Variants in CDS2 observed in about 807,000 individuals in gnomAD.
CDS2 encodes the protein CDP-diacylglycerol synthase 2, also known as phosphatidate cytidylyltransferase 2.
CDS2 carries 47 observed loss-of-function variants against 59.0 expected under a neutral mutation model. That is an observed-to-expected ratio of 0.80 (90% CI 0.63 to 1.02). The LOEUF (loss-of-function observed/expected upper bound fraction) is 1.02, where lower values mean the gene tolerates loss of function less well. CDS2 is among the 50% of genes least tolerant of loss of function. The pLI is 0.00. For missense variants in CDS2, 356 were observed against 558.9 expected, an observed-to-expected ratio of 0.64 and a Z score of 3.66; for synonymous variants, 207 against 206.4, an observed-to-expected ratio of 1.00 and a Z score of -0.02.
intron 1 of CDS2, among the ~76,000 whole-genome samples, chr20:5,137,962 C>CA (rs1350924016): frequency 2.6e-5 from 4 of 151,690 alleles, no homozygotes; most frequent in Admixed American, 2.0e-4. Flanking sequence ...CCATGCCCAG[C>CA]TAATTTGCAT....
rs2090557689 is a variant in CDS2 at position 5,127,032 on chromosome 20, A to AGCTGCCTGCTCCAGCGGCTTC, written c.-49_-48insAGCGGCTTCGCTGCCTGCTCC. On this transcript the variant is annotated 5_prime_UTR_variant, in exon 1 of 13. Coordinates refer to ENST00000460006, the MANE Select transcript of CDS2 (RefSeq NM_003818.4). ...TGGGAGTCCGCGCGTGCCCGCGCCG[A>AGCTGCCTGCTCCAGCGGCTTC]GCTGCCTGCTCCGGCGGCTTCGCTG... 1.9e-4 allele frequency: 275 copies of AGCTGCCTGCTCCAGCGGCTTC among 1,451,358 alleles called. 4 individuals carry two copies. The South Asian group carries it at 3.2e-3, about 17-fold the overall frequency. 89.9% of individuals were successfully genotyped at this position (1,451,358 alleles called of 1,614,324 possible). A position where few individuals can be genotyped will look rare whatever the true frequency, so the allele number is the denominator to read the frequency against.
At chr20:5,143,711 T>C (rs894065206) in intron 1 of CDS2, among the ~76,000 whole-genome samples, 11 of 147,382 alleles carry the variant, frequency 7.5e-5, no homozygotes, top group African/African-American at 2.5e-4. Flanking sequence ...GGAACATGAG[T>C]GTACAAATAT....
chr20:5,127,390 G>A (rs1037240694), intron 1 of CDS2, among the ~76,000 whole-genome samples: 1 of 152,136 alleles, frequency 6.6e-6, no homozygotes, highest in African/African-American at 2.4e-5. Flanking sequence ...GGCGCAGGAA[G>A]GAGCTTCTCG....
At chr20:5,171,818 C>T (rs2090958093) in intron 1 of CDS2, among the ~76,000 whole-genome samples, 1 of 152,134 alleles carries the variant, frequency 6.6e-6, no homozygotes, top group Non-Finnish European at 1.5e-5. Flanking sequence ...CCAGAGCCAC[C>T]TGTCTCGACT....
intron 10 of CDS2, chr20:5,187,112 G>A: frequency 3.1e-6 from 1 of 322,800 alleles, no homozygotes; most frequent in Non-Finnish European, 6.0e-6. Context: ...AGGGTGGGGG[G>A]GTCTGTGAGG....
At chr20:5,181,382 G>A (rs879716013) in intron 5 of CDS2, among the ~76,000 whole-genome samples, 1 of 152,184 alleles carries the variant, frequency 6.6e-6, no homozygotes, top group Non-Finnish European at 1.5e-5. Context: ...CCAGAAAGAT[G>A]TTACCAGAAA....
At chr20:5,163,860 G>A (rs993316648) in intron 1 of CDS2, among the ~76,000 whole-genome samples, 1 of 148,324 alleles carries the variant, frequency 6.7e-6, no homozygotes, top group Non-Finnish European at 1.5e-5. Context: ...GTGCAAACTC[G>A]GCTCACTGCA....
rs529417361 is a variant in CDS2, at chr20:5,193,062, G to A, written c.*2828G>A. 1 of 152,372 alleles carries A rather than the reference G, an allele frequency of 6.6e-6. No homozygotes were observed. The highest frequency in any genetic ancestry group is 6.5e-5 in the Admixed American group (1 of 15,302). The allele number at this position is 152,372 out of a possible 1,614,324, so 9.4% of individuals were successfully genotyped here. ...TTAAATTGCTGTTGGCTCCTGCCTG[G>A]TGGAACAAGGGGGTCATAGAAACCA... is the stretch of plus-strand genomic sequence containing the variant. On this transcript the variant is annotated 3_prime_UTR_variant, in exon 13 of 13. Transcript: ENST00000460006.
At chr20:5,154,458 T>C (rs2090817080) in intron 1 of CDS2, among the ~76,000 whole-genome samples, 1 of 152,082 alleles carries the variant, frequency 6.6e-6, no homozygotes, top group Non-Finnish European at 1.5e-5. Context: ...ATAAACAAAG[T>C]CTCTTCCACT....
intron 1 of CDS2, among the ~76,000 whole-genome samples, chr20:5,170,701 A>G (rs921896354): frequency 1.3e-5 from 2 of 152,248 alleles, no homozygotes; most frequent in Non-Finnish European, 2.9e-5. Context: ...GCTGAGGCCC[A>G]GGGAACCTGG....
rs989826613 is a variant in CDS2, at chr20:5,185,056, C to T, written c.759+111C>T. ...AAATCTAGCTGTGTTGTATTGTGGCCATGTCTTCATGTCTTCCTGGAGAAA... is the reference window on the plus strand; with the variant it reads ...AAATCTAGCTGTGTTGTATTGTGGCTATGTCTTCATGTCTTCCTGGAGAAA... On this transcript the variant is annotated intron_variant, in intron 8 of 12. Transcript: ENST00000460006. The T allele has an allele frequency of 8.1e-6, 6 of 741,752 alleles. No homozygotes were observed. In the Admixed American group the frequency reaches 1.2e-4, roughly 15 times the overall value. The allele number at this position is 741,752 out of a possible 1,614,324, so 45.9% of individuals were successfully genotyped here. A position where few individuals can be genotyped will look rare whatever the true frequency, so the allele number is the denominator to read the frequency against.
intron 1 of CDS2, among the ~76,000 whole-genome samples, chr20:5,131,086 C>CT (rs1336343983): frequency 2.2e-5 from 3 of 137,812 alleles, no homozygotes; most frequent in Non-Finnish European, 4.6e-5. Context: ...GAGCAAGACT[C>CT]TGTCTTAAAA....
At chr20:5,143,518 C>T (rs556325040) in intron 1 of CDS2, among the ~76,000 whole-genome samples, 1 of 152,224 alleles carries the variant, frequency 6.6e-6, no homozygotes, top group African/African-American at 2.4e-5. Context: ...TGTAGTAGCC[C>T]CAAACTTCAA....
intron 1 of CDS2, among the ~76,000 whole-genome samples, chr20:5,141,325 T>C (rs1568529198): frequency 6.6e-6 from 1 of 152,230 alleles, no homozygotes; most frequent in Non-Finnish European, 1.5e-5. Flanking sequence ...TAGTCACATT[T>C]CTGCATGGTT....
Position 5,175,272 on chromosome 20 carries a change from T to A in CDS2, c.284T>A (p.Met95Lys). Residue 95 changes from methionine (M) to lysine (K), a missense_variant, in exon 3 of 13, where the codon ATG becomes AAG. By Grantham distance (95) the Met-to-Lys change is moderately conservative. This residue lies in a region of CDS2 where 107 missense variants were observed against 129.7 expected (regional missense o/e 0.82). Transcript: ENST00000460006. ...IIIYLGPMVLMIIVMCVQIKC... is the reference protein window; with the variant it reads ...IIIYLGPMVLKIIVMCVQIKC... ...ATTTACCTGGGACCAATGGTTTTGA[T>A]GATAATCGTAAGTGCCATTTCACAC... is the stretch of plus-strand genomic sequence containing the variant. 3 of 1,613,470 alleles carry A rather than the reference T, an allele frequency of 1.9e-6. No individual in the cohort carries two copies. The highest frequency in any genetic ancestry group is 2.5e-6 in the Non-Finnish European group (3 of 1,179,372).
chr20:5,189,037 C>G, intron 10 of CDS2, 30 bp from the exon 11 acceptor site: 1 of 1,613,610 alleles, frequency 6.2e-7, no homozygotes, highest in Non-Finnish European at 8.5e-7. Flanking sequence ...ATGTATGCAC[C>G]TAAACTTTTA....
At position 5,163,730 on chromosome 20, in the gene CDS2, G is replaced by T. The variant is rs559814902; in HGVS notation, c.58-9793G>T. Among the ~76,000 whole-genome samples, 21 of 150,518 alleles carry T rather than the reference G, an allele frequency of 1.4e-4. No homozygotes were observed. The South Asian group carries it at 4.4e-3, about 32-fold the overall frequency. On this transcript the variant is annotated intron_variant, in intron 1 of 12. Coordinates refer to ENST00000460006, the MANE Select transcript of CDS2 (RefSeq NM_003818.4). ...TTAATTTTTTCCCCAGGTATCCTTAGTGATTTATCAAAAAGAGAAAGAAAC... is the reference window on the plus strand; with the variant it reads ...TTAATTTTTTCCCCAGGTATCCTTATTGATTTATCAAAAAGAGAAAGAAAC...
rs1568543038 is a variant in CDS2, at chr20:5,182,375, A to G, written c.530-12A>G. On this transcript the variant is annotated splice_polypyrimidine_tract_variant and intron_variant, in intron 5 of 12. Coordinates refer to ENST00000460006, the MANE Select transcript of CDS2 (RefSeq NM_003818.4). ...TAATTCATTTTTCTTTTCTCCTCCC[A>G]CCTCAAACTAGGATTCTGCATGTTT... 1.9e-6 allele frequency: 3 copies of G among 1,605,618 alleles called. No homozygotes were observed. Among genetic ancestry groups the G allele is most frequent in the Non-Finnish European group, 2.5e-6 (3 of 1,176,580 alleles).
intron 11 of CDS2, 136 bp downstream of exon 11, chr20:5,189,322 AT>A: frequency 1.1e-6 from 1 of 911,258 alleles, no homozygotes; most frequent in Non-Finnish European, 1.7e-6. Flanking sequence ...CATGCACTGA[AT>A]TTAGGTGAGT....
Sources: gnomAD v4.1 joint callset for allele counts (sites outside exome capture counted in the v4.1 genomes callset) on GRCh38, gnomAD v4.1.1 for gene constraint, gnomAD v4.1.1 regional missense constraint, MANE v1.5 for transcripts, NCBI Gene and HGNC (gene_info 2026-07-23, HGNC 2026-07-21) for gene names.